FHOD3: variants seen among roughly 807,000 people sequenced by gnomAD.
The protein encoded by FHOD3 is formin homology 2 domain containing 3, also known as FH1/FH2 domain-containing protein 3.
A neutral mutation model predicts 173.0 loss-of-function variants in FHOD3; 90 were observed. The ratio of observed to expected loss-of-function variants is 0.52; its 90% CI spans 0.44 to 0.62. FHOD3 has a LOEUF of 0.62. Among genes scored for constraint, FHOD3 ranks in the 20% least tolerant of loss-of-function variants. FHOD3 has a pLI of 0.00. For synonymous variants in FHOD3, 828 were observed against 823.0 expected, an observed-to-expected ratio of 1.01 and a Z score of -0.10; for missense variants, 1,945 against 2,034.7, an observed-to-expected ratio of 0.96 and a Z score of 0.85.
chr18:36,384,053 C>T (rs1373808541), intron 3 of FHOD3, among the ~76,000 whole-genome samples: 1 of 152,180 alleles, frequency 6.6e-6, no homozygotes, highest in Non-Finnish European at 1.5e-5. Context: ...GACCTCACTG[C>T]TCTGACTTCA....
chr18:36,384,012 C>T (rs1406678250), intron 3 of FHOD3, among the ~76,000 whole-genome samples: 2 of 152,170 alleles, frequency 1.3e-5, no homozygotes, highest in Non-Finnish European at 1.5e-5. Context: ...ATCAGACCTG[C>T]CCCTGAGAAG....
intron 1 of FHOD3, among the ~76,000 whole-genome samples, chr18:36,330,515 C>G (rs2044932220): frequency 6.6e-6 from 1 of 152,132 alleles, no homozygotes; most frequent in African/African-American, 2.4e-5. Flanking sequence ...GTGAAGAGAG[C>G]CTCTGGGGAT....
intron 13 of FHOD3, among the ~76,000 whole-genome samples, chr18:36,655,347 G>A (rs985803206): frequency 3.3e-5 from 5 of 152,108 alleles, no homozygotes; most frequent in African/African-American, 7.2e-5. Context: ...TTCTGGTGAT[G>A]GTCTCGGCCC....
chr18:36,309,343 T>G (rs1183384980), intron 1 of FHOD3, among the ~76,000 whole-genome samples: 1 of 152,100 alleles, frequency 6.6e-6, no homozygotes, highest in Non-Finnish European at 1.5e-5. Context: ...CAGCTCTGAT[T>G]AATGGGAAAT....
intron 5 of FHOD3, among the ~76,000 whole-genome samples, chr18:36,533,560 C>T (rs768452145): frequency 2.0e-5 from 3 of 152,220 alleles, no homozygotes; most frequent in South Asian, 4.1e-4. Context: ...TGCCCAGCTG[C>T]TCTTGAAAAG....
chr18:36,416,275 C>T (rs939761239), intron 3 of FHOD3, among the ~76,000 whole-genome samples: 11 of 152,210 alleles, frequency 7.2e-5, no homozygotes, highest in African/African-American at 1.4e-4. Flanking sequence ...CCTCGTGATC[C>T]GCCTGCCTCG....
chr18:36,664,176 T>G (rs1568571142), intron 14 of FHOD3, among the ~76,000 whole-genome samples: 1 of 152,198 alleles, frequency 6.6e-6, no homozygotes, highest in Non-Finnish European at 1.5e-5. Context: ...AAGTACATTT[T>G]TAAAAAACAA....
At chr18:36,420,306 C>T (rs1006276461) in intron 3 of FHOD3, among the ~76,000 whole-genome samples, 2 of 152,138 alleles carry the variant, frequency 1.3e-5, no homozygotes, top group Non-Finnish European at 2.9e-5. Flanking sequence ...GTCATGTGGG[C>T]CAAAACTTAC....
intron 14 of FHOD3, 79 bp from the exon 15 acceptor site, chr18:36,681,357 C>T (rs2038224690): frequency 6.4e-7 from 1 of 1,552,076 alleles, no homozygotes; most frequent in East Asian, 2.3e-5. Context: ...TCAATTCTAA[C>T]CAAGGTCTGA....
chr18:36,769,033 C>T (rs374670917), intron 27 of FHOD3, among the ~76,000 whole-genome samples: 16 of 152,108 alleles, frequency 1.1e-4, no homozygotes, highest in South Asian at 2.1e-4. Flanking sequence ...ATAAGTGCCC[C>T]GCGTATGGGT....
rs1568179632 is a variant in FHOD3 at position 36,368,295 on chromosome 18, T to TCTCATA, written c.273-4383_273-4378dup. Among the ~76,000 whole-genome samples, 6 of 152,292 alleles carry TCTCATA rather than the reference T, an allele frequency of 3.9e-5. 1 individual carries two copies. The South Asian group carries it at 1.2e-3, about 32-fold the overall frequency. ...TACTTTGTGCATCTCATAGAGTACA[T>TCTCATA]CTCATACGTATGTATGAGTTCAGAA... On this transcript the variant is annotated intron_variant, in intron 2 of 28. Transcript: ENST00000590592.
intron 6 of FHOD3, among the ~76,000 whole-genome samples, chr18:36,580,019 A>T (rs1473191265): frequency 2.6e-5 from 4 of 152,224 alleles, no homozygotes; most frequent in Non-Finnish European, 5.9e-5. Flanking sequence ...TCATATTGAT[A>T]TTACTTTGGA....
chr18:36,767,188 G>A (rs966979829), intron 27 of FHOD3, among the ~76,000 whole-genome samples: 3 of 151,962 alleles, frequency 2.0e-5, no homozygotes, highest in African/African-American at 7.3e-5. Flanking sequence ...AAAAAAACTG[G>A]CCTAATAGCA....
At chr18:36,490,641 G>C (rs2054419884) in intron 3 of FHOD3, among the ~76,000 whole-genome samples, 1 of 152,136 alleles carries the variant, frequency 6.6e-6, no homozygotes, top group South Asian at 2.1e-4. Context: ...ACACCTTTCT[G>C]GGTTTCAGCT....
rs111504977 is a variant in FHOD3 at position 36,722,651 on chromosome 18, C to T, written c.3417+3936C>T. ...ATAAGGTGTCACTCTGTCGCCCAGG[C>T]TGGAGTGCAGTGGCACAATGATAGC... On this transcript the variant is annotated intron_variant, in intron 19 of 28. Coordinates refer to ENST00000590592, the MANE Select transcript of FHOD3 (RefSeq NM_001281740.3). 6.8e-4 allele frequency among the ~76,000 whole-genome samples: 103 copies of T among 152,250 alleles called. 3 individuals carry two copies. The highest frequency in any genetic ancestry group is 2.3e-3 in the African/African-American group (96 of 41,524).
intron 28 of FHOD3, 184 bp from the exon 29 acceptor site, chr18:36,779,264 T>A: frequency 1.7e-6 from 1 of 589,092 alleles, no homozygotes; most frequent in East Asian, 2.8e-5. Flanking sequence ...CCCAAACTTT[T>A]GTCCTGGCAG....
intron 5 of FHOD3, among the ~76,000 whole-genome samples, chr18:36,550,798 T>A (rs1335024399): frequency 6.6e-6 from 1 of 152,194 alleles, no homozygotes; most frequent in Non-Finnish European, 1.5e-5. Context: ...TTAAACTGAC[T>A]TATTAGTTCT....
At chr18:36,323,761 C>T (rs1255650097) in intron 1 of FHOD3, among the ~76,000 whole-genome samples, 1 of 152,236 alleles carries the variant, frequency 6.6e-6, no homozygotes, top group African/African-American at 2.4e-5. Flanking sequence ...TTTCTCAAGA[C>T]CATCCTCGAC....
chr18:36,396,604 T>G (rs2048564529), intron 3 of FHOD3, among the ~76,000 whole-genome samples: 1 of 152,226 alleles, frequency 6.6e-6, no homozygotes, highest in South Asian at 2.1e-4. Flanking sequence ...TTTCTAATTC[T>G]GATTTATGTT....
Sources: allele counts gnomAD v4.1 joint callset (sites outside exome capture counted in the v4.1 genomes callset), GRCh38; gene constraint gnomAD v4.1.1; transcripts MANE v1.5; gene names NCBI Gene and HGNC (gene_info 2026-07-23, HGNC 2026-07-21).